CRYGD: variants seen among roughly 807,000 people sequenced by gnomAD.
The protein encoded by CRYGD is crystallin gamma D.
CRYGD carries 13 observed loss-of-function variants against 11.3 expected under a neutral mutation model. The observed-to-expected ratio is 1.15, with a 90% CI of 0.75 to 1.83. The LOEUF is 1.83. CRYGD is among the 40% of genes most tolerant of loss of function. The pLI is 0.00. For synonymous variants in CRYGD, 77 were observed against 89.5 expected, an observed-to-expected ratio of 0.86 and a Z score of 0.79; for missense variants, 231 against 229.9, an observed-to-expected ratio of 1.00 and a Z score of -0.03.
chr2:208,121,966 A>C, intron 2 of CRYGD, 21 bp from the exon 3 acceptor site: 2 of 1,613,886 alleles, frequency 1.2e-6, no homozygotes, highest in Non-Finnish European at 1.7e-6. Flanking sequence ...CAGAAATAAA[A>C]AGAGAAGAAA....
chr2:208,122,101 G>A lies in CRYGD; in HGVS notation c.253-156C>T, dbSNP rs1694876301. On this transcript the variant is annotated intron_variant, in intron 2 of 2. Transcript: ENST00000264376. ...GAATATTTATAAACTCCTCATTACC[G>A]AGCACAGAGATTCAGTACCTTTTCA... 2.6e-5 allele frequency among the ~76,000 whole-genome samples: 4 copies of A among 152,178 alleles called. No homozygotes were observed. In the Middle Eastern group the frequency reaches 0.014, roughly 521 times the overall value.
Position 208,121,661 on chromosome 2 carries a change from A to G in CRYGD, c.*12T>C, listed in dbSNP as rs2305429. ...AGTTTCCAAATTAAGAAACAACAAA[A>G]GAGGACATATTTCAGGAGAAATCTA... On this transcript the variant is annotated 3_prime_UTR_variant, in exon 3 of 3. Transcript: ENST00000264376. 1,489,838 of 1,611,340 alleles carry G rather than the reference A, an allele frequency of 0.92. 693,724 individuals are homozygous for G. The highest frequency in any genetic ancestry group is 0.95 in the Non-Finnish European group (1,122,706 of 1,178,394).
Position 208,121,608 on chromosome 2 carries a change from G to T in CRYGD, c.*65C>A. 1 of 1,587,108 alleles carries T rather than the reference G, an allele frequency of 6.3e-7. No homozygotes were observed. Among genetic ancestry groups the T allele is most frequent in the Non-Finnish European group, 8.6e-7 (1 of 1,165,264 alleles). On this transcript the variant is annotated 3_prime_UTR_variant, in exon 3 of 3. Coordinates refer to ENST00000264376, the MANE Select transcript of CRYGD (RefSeq NM_006891.4). ...TAAAGAAAGACACAAGCAAATCAGT[G>T]CCAGGAACACACAGAAAATATTTTA...
chr2:208,122,845 T>G (rs1457044058), intron 2 of CRYGD, among the ~76,000 whole-genome samples: 1 of 150,116 alleles, frequency 6.7e-6, no homozygotes, highest in Non-Finnish European at 1.5e-5. Flanking sequence ...AGAGCAAGAC[T>G]TCGTCAAAAA....
At position 208,124,503 on chromosome 2, in the gene CRYGD, T is replaced by G. The variant is rs181890669; in HGVS notation, c.-30A>C. On this transcript the variant is annotated 5_prime_UTR_variant, in exon 1 of 3. Coordinates refer to ENST00000264376, the MANE Select transcript of CRYGD (RefSeq NM_006891.4). ...GGCTGGGCGCACGGCGGTGCTGAGC[T>G]GGTGGGGCGGCGGCGCTGAGCGGGT... The G allele has an allele frequency of 9.0e-6, 14 of 1,547,018 alleles. No individual in the cohort carries two copies. In the African/African-American group the frequency reaches 1.9e-4, roughly 21 times the overall value.
At chr2:208,123,015 C>T (rs1210239600) in intron 2 of CRYGD, among the ~76,000 whole-genome samples, 1 of 149,496 alleles carries the variant, frequency 6.7e-6, no homozygotes, top group Non-Finnish European at 1.5e-5. Context: ...GCCGAGATTG[C>T]ACCACTGCAC....
intron 2 of CRYGD, 138 bp from the exon 3 acceptor site, chr2:208,122,083 T>C: frequency 8.2e-7 from 1 of 1,222,094 alleles, no homozygotes; most frequent in Non-Finnish European, 1.2e-6. Flanking sequence ...TCTGAATATT[T>C]ATAAACTCCT....
rs192413588 is a variant in CRYGD, at chr2:208,123,106, A to G, written c.252+1006T>C. Among the ~76,000 whole-genome samples, 644 of 147,776 alleles carry G rather than the reference A, an allele frequency of 4.4e-3. 7 individuals are homozygous for G. Among genetic ancestry groups the G allele is most frequent in the African/African-American group, 0.015 (613 of 40,822 alleles). ...ACAACAAAAATATATATATACACAC[A>G]TATAATGTAAATGAAATATATTAAA... On this transcript the variant is annotated intron_variant, in intron 2 of 2. Coordinates refer to ENST00000264376, the MANE Select transcript of CRYGD (RefSeq NM_006891.4).
chr2:208,122,670 C>A (rs2105852263), intron 2 of CRYGD, among the ~76,000 whole-genome samples: 1 of 150,558 alleles, frequency 6.6e-6, no homozygotes, highest in Non-Finnish European at 1.5e-5. Context: ...CAAGACCAGC[C>A]TGACGAATAT....
At position 208,121,963 on chromosome 2, in the gene CRYGD, A is replaced by G. The variant is rs1694874014; in HGVS notation, c.253-18T>C. The G allele has an allele frequency of 2.5e-6, 4 of 1,614,010 alleles. No homozygotes were observed. Among genetic ancestry groups the G allele is most frequent in the Non-Finnish European group, 3.4e-6 (4 of 1,180,046 alleles). On this transcript the variant is annotated intron_variant, in intron 2 of 2. Coordinates refer to ENST00000264376, the MANE Select transcript of CRYGD (RefSeq NM_006891.4). ...GAGCCAGACTGGCGGACCCAGAAAT[A>G]AAAAGAGAAGAAAAGCAAGTGTGAA...
In CRYGD at chr2:208,121,875, T is replaced by A; in HGVS notation, c.323A>T (p.Asp108Val). Residue 108 changes from aspartate to valine, a missense_variant, in exon 3 of 3, where the codon GAC becomes GTC. Transcript: ENST00000264376. ...YRGQMIEFTE[D>V]CSCLQDRFRF... is the part of the protein sequence containing the mutation. Reference sequence around the variant, plus strand: ...GAAGCGGTCCTGAAGACAGGAGCAGTCCTCAGTGAACTCTATCATCTGGCC... The same window carrying A: ...GAAGCGGTCCTGAAGACAGGAGCAGACCTCAGTGAACTCTATCATCTGGCC... 1 of 1,614,124 alleles carries A rather than the reference T, an allele frequency of 6.2e-7. No individual in the cohort carries two copies. The highest frequency in any genetic ancestry group is 8.5e-7 in the Non-Finnish European group (1 of 1,180,030).
In CRYGD at chr2:208,124,119, A is replaced by T; in HGVS notation, c.245T>A (p.Ile82Asn). ...LSDSVRSCRLIPHSGSHRIRL... is the reference protein window; with the variant it reads ...LSDSVRSCRLNPHSGSHRIRL... ...ACTTGAGGATGTACTCACGTGGGGG[A>T]TGAGGCGGCAGGAGCGGACCGAGTC... is the stretch of plus-strand genomic sequence containing the variant. The change falls in exon 2 of 3, where the codon ATC becomes AAC. Residue 82 changes from isoleucine to asparagine, a missense_variant. Ile to Asn is a moderately radical substitution (Grantham distance 149, BLOSUM62 -3). Coordinates refer to ENST00000264376, the MANE Select transcript of CRYGD (RefSeq NM_006891.4). The T allele has an allele frequency of 6.2e-7, 1 of 1,611,518 alleles. No individual in the cohort carries two copies. The highest frequency in any genetic ancestry group is 8.5e-7 in the Non-Finnish European group (1 of 1,179,792).
Position 208,121,833 on chromosome 2 carries a change from T to G in CRYGD, c.365A>C (p.His122Pro). The G allele has an allele frequency of 6.2e-7, 1 of 1,613,844 alleles. No individual in the cohort carries two copies. ...LQDRFRFNEI[H>P]SLNVLEGSWV... is the part of the protein sequence containing the mutation. ...GGAGCCCTCCAGCACGTTGAGGGAG[T>G]GGATTTCATTGAAGCGGAAGCGGTC... The change falls in exon 3 of 3, where the codon CAC (histidine) becomes CCC (proline). Residue 122 changes from histidine to proline, a missense_variant. Physicochemically the swap from His to Pro is moderately conservative, Grantham distance 77 (BLOSUM62 -2). Transcript: ENST00000264376.
rs1357456798 is a variant in CRYGD, at chr2:208,121,778, T to C, written c.420A>G (p.Arg140=). ...CTGGCATCAGCAGGTACTGCCGTCCTCGGTAGTTGGACAGCTCGTAGAGGA... is the reference window on the plus strand; with the variant it reads ...CTGGCATCAGCAGGTACTGCCGTCCCCGGTAGTTGGACAGCTCGTAGAGGA... ...SWVLYELSNY[R]GRQYLLMPGD... Residue 140 remains arginine (R), a synonymous_variant, in exon 3 of 3, where the codon CGA becomes CGG. Coordinates refer to ENST00000264376, the MANE Select transcript of CRYGD (RefSeq NM_006891.4). The C allele has an allele frequency of 1.2e-6, 2 of 1,614,138 alleles. No individual in the cohort carries two copies. Among genetic ancestry groups the C allele is most frequent in the Non-Finnish European group, 1.7e-6 (2 of 1,180,030 alleles).
intron 2 of CRYGD, among the ~76,000 whole-genome samples, chr2:208,123,384 C>T (rs1008091575): frequency 6.9e-6 from 1 of 145,892 alleles, no homozygotes; most frequent in Non-Finnish European, 1.5e-5. Context: ...AAATCAATGA[C>T]ATAAATAAAA....
At position 208,121,722 on chromosome 2, in the gene CRYGD, G is replaced by GC. The variant is rs764945940; in HGVS notation, c.475dup (p.Ala159GlyfsTer?). On this transcript the variant is annotated frameshift_variant, in exon 3 of 3. Transcript: ENST00000264376. LOFTEE classifies it low-confidence loss of function (END_TRUNC). Reference sequence around the variant, plus strand: ...CAGAGAGCCCACTCTGGCATTCGTGGCCCCCCAGTCCTGGTAGCGCCTATA... The same window carrying GC: ...CAGAGAGCCCACTCTGGCATTCGTGGCCCCCCCAGTCCTGGTAGCGCCTATA... 9 of 1,613,712 alleles carry GC rather than the reference G, an allele frequency of 5.6e-6. No homozygotes were observed. The highest frequency in any genetic ancestry group is 1.3e-5 in the African/African-American group (1 of 74,916).
rs954012934 is a variant in CRYGD at position 208,124,497 on chromosome 2, C to T, written c.-24G>A. 3.0e-5 allele frequency: 47 copies of T among 1,551,066 alleles called. No homozygotes were observed. Among genetic ancestry groups the T allele is most frequent in the Non-Finnish European group, 4.0e-5 (46 of 1,154,432 alleles). ...ATGGCTGGCTGGGCGCACGGCGGTG[C>T]TGAGCTGGTGGGGCGGCGGCGCTGA... On this transcript the variant is annotated 5_prime_UTR_variant, in exon 1 of 3. Transcript: ENST00000264376.
chr2:208,123,924 A>G (rs1694921805), intron 2 of CRYGD, among the ~76,000 whole-genome samples, 188 bp downstream of exon 2: 1 of 152,210 alleles, frequency 6.6e-6, no homozygotes, highest in Admixed American at 6.5e-5. Flanking sequence ...ATTAATTGTG[A>G]TTAACTGGTG....
At chr2:208,123,955 T>C (rs1053561185) in intron 2 of CRYGD, among the ~76,000 whole-genome samples, 157 bp downstream of exon 2, 8 of 152,248 alleles carry the variant, frequency 5.3e-5, no homozygotes. Flanking sequence ...ACTTTGCTTA[T>C]GTGGGGAGCA....
Sources: allele counts gnomAD v4.1 joint callset (sites outside exome capture counted in the v4.1 genomes callset), GRCh38; gene constraint gnomAD v4.1.1; transcripts MANE v1.5; gene names NCBI Gene and HGNC (gene_info 2026-07-23, HGNC 2026-07-21).